PCDHGA11: variants seen among roughly 807,000 people sequenced by gnomAD.
PCDHGA11 encodes the protein protocadherin gamma-A11.
In PCDHGA11, 39 loss-of-function variants were observed where a neutral mutation model predicts 60.4. That is an observed-to-expected ratio of 0.65 (90% CI 0.50 to 0.84). The LOEUF (loss-of-function observed/expected upper bound fraction) is 0.84. Among genes scored for constraint, PCDHGA11 ranks in the 40% least tolerant of loss-of-function variants. The pLI is 0.00. For synonymous variants in PCDHGA11, 533 were observed against 510.3 expected, an observed-to-expected ratio of 1.04 and a Z score of -0.60; for missense variants, 1,165 against 1,197.7, an observed-to-expected ratio of 0.97 and a Z score of 0.40.
chr5:141,430,471 T>TA (rs759564776), intron 1 of PCDHGA11: 176 of 234,152 alleles, frequency 7.5e-4, no homozygotes, highest in Non-Finnish European at 1.1e-3. Context: ...TGGAGCTATT[T>TA]AAGATATAAA....
At chr5:141,436,105 A>G (rs2097796181) in intron 1 of PCDHGA11, among the ~76,000 whole-genome samples, 2 of 152,198 alleles carry the variant, frequency 1.3e-5, no homozygotes, top group African/African-American at 4.8e-5. Context: ...GAAATAGAGG[A>G]CAATGAAACC....
At chr5:141,468,160 G>C (rs2099158881) in intron 1 of PCDHGA11, among the ~76,000 whole-genome samples, 1 of 151,468 alleles carries the variant, frequency 6.6e-6, no homozygotes, top group African/African-American at 2.4e-5. Context: ...CCCTGTCTCT[G>C]CTAAAAATAG....
In PCDHGA11 at chr5:141,493,356, C is replaced by G. The variant is rs1303319550; in HGVS notation, c.2434-1451C>G. On this transcript the variant is annotated intron_variant, in intron 1 of 3. Transcript: ENST00000398587. The surrounding 1 kb of genome is among the most constrained non-coding windows in gnomAD (Gnocchi z 4.3). ...ACTCCAGAATGTGTGCTTTTAATTT[C>G]TTGGCACTTGGAACTTTAAAAGCTT... Among the ~76,000 whole-genome samples the G allele has an allele frequency of 6.6e-6, 1 of 152,182 alleles. No individual in the cohort carries two copies. The highest frequency in any genetic ancestry group is 1.5e-5 in the Non-Finnish European group (1 of 68,032).
At chr5:141,464,978 GT>G in intron 1 of PCDHGA11, among the ~76,000 whole-genome samples, 1 of 152,148 alleles carries the variant, frequency 6.6e-6, no homozygotes, top group East Asian at 1.9e-4. Context: ...CTGGCTTCAA[GT>G]GATCCTCCCA....
Position 141,490,820 on chromosome 5 carries a change from T to G in PCDHGA11, c.2434-3987T>G. On this transcript the variant is annotated intron_variant, in intron 1 of 3. Transcript: ENST00000398587. The surrounding 1 kb of genome is among the most constrained non-coding windows in gnomAD (Gnocchi z 5.4). ...CAGCGTACCTTTGACTATGAATTGC[T>G]GCAGATGCTGCAGATTGTGGTGGGG... 6.2e-7 allele frequency: 1 copy of G among 1,613,820 alleles called. No homozygotes were observed. Among genetic ancestry groups the G allele is most frequent in the Non-Finnish European group, 8.5e-7 (1 of 1,179,768 alleles).
intron 1 of PCDHGA11, among the ~76,000 whole-genome samples, chr5:141,462,897 G>A (rs2099049236): frequency 6.6e-6 from 1 of 152,130 alleles, no homozygotes; most frequent in South Asian, 2.1e-4. Context: ...TGTTTTGGAA[G>A]GCTATTATGT....
In PCDHGA11 at chr5:141,493,511, T is replaced by G. The variant is rs1203329648; in HGVS notation, c.2434-1296T>G. Among the ~76,000 whole-genome samples the G allele has an allele frequency of 6.6e-6, 1 of 152,094 alleles. No individual in the cohort carries two copies. Reference sequence around the variant, plus strand: ...TCTGTGGCTCCTCATTTCTGAGCAGTCCCCGCAGCGCAAACTTGGCCAGTT... The same window carrying G: ...TCTGTGGCTCCTCATTTCTGAGCAGGCCCCGCAGCGCAAACTTGGCCAGTT... On this transcript the variant is annotated intron_variant, in intron 1 of 3. Coordinates refer to ENST00000398587, the MANE Select transcript of PCDHGA11 (RefSeq NM_018914.3). This position sits in a 1 kb window ranked among gnomAD's most constrained non-coding sequence, Gnocchi z 4.3.
At chr5:141,454,977 T>C (rs1357011192) in intron 1 of PCDHGA11, among the ~76,000 whole-genome samples, 6 of 151,508 alleles carry the variant, frequency 4.0e-5, no homozygotes, top group Non-Finnish European at 8.8e-5. Context: ...CTGGCTAATT[T>C]TTTAAAAAAT....
intron 1 of PCDHGA11, among the ~76,000 whole-genome samples, chr5:141,460,304 A>T (rs769422296): frequency 2.6e-5 from 4 of 152,144 alleles, no homozygotes; most frequent in Admixed American, 6.5e-5. Flanking sequence ...TCCTATTCAA[A>T]AACTCCTTGC....
At chr5:141,427,861 T>G (rs776215800) in intron 1 of PCDHGA11, 2 of 1,556,958 alleles carry the variant, frequency 1.3e-6, no homozygotes, top group Admixed American at 1.7e-5. Flanking sequence ...CTGTGCGCCT[T>G]CGAGCTCACG....
At position 141,505,383 on chromosome 5, in the gene PCDHGA11, C is replaced by G. The variant is rs369765886; in HGVS notation, c.2493-10C>G. On this transcript the variant is annotated splice_polypyrimidine_tract_variant and intron_variant, in intron 2 of 3. Transcript: ENST00000398587. ...GGGAGTCTGTGCTCACCATCCTACT[C>G]TCTCCCCAGCTCCCAAAATGGCGAT... The G allele has an allele frequency of 6.2e-7, 1 of 1,613,944 alleles. No homozygotes were observed. The highest frequency in any genetic ancestry group is 1.3e-5 in the African/African-American group (1 of 74,914).
intron 1 of PCDHGA11, among the ~76,000 whole-genome samples, chr5:141,465,907 G>C (rs1367648934): frequency 6.6e-6 from 1 of 152,056 alleles, no homozygotes; most frequent in East Asian, 1.9e-4. Flanking sequence ...CAAATCACGA[G>C]GTCAGGATTT....
chr5:141,460,157 C>T (rs1388985005), intron 1 of PCDHGA11, among the ~76,000 whole-genome samples: 1 of 151,968 alleles, frequency 6.6e-6, no homozygotes, highest in Admixed American at 6.6e-5. Context: ...CTCTTTGTCA[C>T]ATACATATTT....
intron 1 of PCDHGA11, among the ~76,000 whole-genome samples, chr5:141,451,395 A>G (rs2098715118): frequency 6.6e-6 from 1 of 152,184 alleles, no homozygotes; most frequent in Admixed American, 6.6e-5. Context: ...AGTTAATGGC[A>G]AAATTAAGTT....
chr5:141,439,756 G>A (rs74623862), intron 1 of PCDHGA11: 30 of 152,422 alleles, frequency 2.0e-4, no homozygotes, highest in African/African-American at 7.0e-4. Context: ...CAGGCAATGA[G>A]TTCAGCTCCT....
At chr5:141,443,055 C>G (rs994152277) in intron 1 of PCDHGA11, among the ~76,000 whole-genome samples, 1 of 152,208 alleles carries the variant, frequency 6.6e-6, no homozygotes, top group Non-Finnish European at 1.5e-5. Flanking sequence ...TATTGTTCCA[C>G]TGAAGAGCGT....
rs753030509 is a variant in PCDHGA11, at chr5:141,431,672, G to A, written c.2433+8012G>A. On this transcript the variant is annotated intron_variant, in intron 1 of 3. Transcript: ENST00000398587. The surrounding 1 kb of genome is among the most constrained non-coding windows in gnomAD (Gnocchi z 4.8). ...TAATTCAGGGACAATATCAACAATA[G>A]GGGAGTTGGACCACGAGGAGTCAGG... The A allele has an allele frequency of 9.3e-6, 15 of 1,614,110 alleles. No homozygotes were observed. Among genetic ancestry groups the A allele is most frequent in the African/African-American group, 4.0e-5 (3 of 74,948 alleles).
chr5:141,449,389 T>C (rs577860793), intron 1 of PCDHGA11, among the ~76,000 whole-genome samples: 5 of 151,964 alleles, frequency 3.3e-5, no homozygotes, highest in African/African-American at 1.2e-4. Flanking sequence ...GGTGGATTAC[T>C]TGAGGCCAGG....
At chr5:141,503,502 G>A (rs750139098) in intron 2 of PCDHGA11, among the ~76,000 whole-genome samples, 5 of 151,828 alleles carry the variant, frequency 3.3e-5, no homozygotes, top group Admixed American at 2.0e-4. Context: ...AAGAGGCTGA[G>A]GCAGGAGAAT....
Sources: allele counts gnomAD v4.1 joint callset (sites outside exome capture counted in the v4.1 genomes callset), GRCh38; gene constraint gnomAD v4.1.1; non-coding constraint Gnocchi (gnomAD v3.1); transcripts MANE v1.5; gene names NCBI Gene and HGNC (gene_info 2026-07-23, HGNC 2026-07-21).